The following ZNF737 variants were observed in gnomAD, a reference collection of about 807,000 sequenced individuals.
ZNF737 encodes the protein zinc finger protein 737, also known as zinc finger protein 102 (Y3).
A neutral mutation model predicts 11.7 loss-of-function variants in ZNF737; 13 were observed. The observed-to-expected ratio is 1.11, with a 90% CI of 0.73 to 1.77. ZNF737 has a LOEUF of 1.77. ZNF737 is among the 40% of genes most tolerant of loss of function. The pLI is 0.00. For synonymous variants in ZNF737, 217 were observed against 216.2 expected (o/e 1.00, Z -0.03); for missense variants, 636 against 638.0 (o/e 1.00, Z 0.03).
chr19:20,546,009 T>C, intron 3 of ZNF737, 33 bp from the exon 4 acceptor site: 3 of 1,525,072 alleles, frequency 2.0e-6, no homozygotes, highest in Non-Finnish European at 2.6e-6. Context: ...ATTACTTCAA[T>C]TGGTAGACTC....
chr19:20,547,380 C>CAAAAAAAAAAAAAA (rs1209880969), intron 3 of ZNF737, among the ~76,000 whole-genome samples: 2 of 65,056 alleles, frequency 3.1e-5, no homozygotes, highest in African/African-American at 9.7e-5. Context: ...GACTCCGTCT[C>CAAAAAAAAAAAAAA]AAAAAAAAAA....
chr19:20,530,740 C>T, the ZNF737 span, among the ~76,000 whole-genome samples: 2 of 146,852 alleles, frequency 1.4e-5, no homozygotes, highest in Non-Finnish European at 3.0e-5. Flanking sequence ...CCTCACTTTC[C>T]AGACTGGGCA....
chr19:20,537,028 G>A (rs1048651467), downstream of ZNF737, among the ~76,000 whole-genome samples: 6 of 151,962 alleles, frequency 3.9e-5, no homozygotes, highest in Non-Finnish European at 8.8e-5. Flanking sequence ...GCTTAAACCC[G>A]AAAGCCAGAG....
At chr19:20,551,524 C>T (rs1284795359) in intron 3 of ZNF737, among the ~76,000 whole-genome samples, 1 of 150,150 alleles carries the variant, frequency 6.7e-6, no homozygotes, top group East Asian at 2.0e-4. Flanking sequence ...ATACATCTTA[C>T]ATTTTAAAAA....
intron 3 of ZNF737, among the ~76,000 whole-genome samples, chr19:20,548,985 T>TAAAAAAAAAAC (rs1555757702): frequency 2.7e-5 from 2 of 72,770 alleles, no homozygotes; most frequent in African/African-American, 1.3e-4. Context: ...AAAAAACAAT[T>TAAAAAAAAAAC]ATGTATCTTT....
At chr19:20,533,860 G>T (rs1357346988), downstream of ZNF737, among the ~76,000 whole-genome samples, 1 of 150,074 alleles carries the variant, frequency 6.7e-6, no homozygotes, top group Non-Finnish European at 1.5e-5. Flanking sequence ...CTGATCAGTT[G>T]GTTGATTGGA....
chr19:20,532,622 A>G (rs1967857818), downstream of ZNF737, among the ~76,000 whole-genome samples: 1 of 149,858 alleles, frequency 6.7e-6, no homozygotes, highest in Non-Finnish European at 1.5e-5. Flanking sequence ...TTTTTCATAA[A>G]TGTAAAAATA....
chr19:20,539,414 A>G lies in ZNF737; in HGVS notation c.*5178T>C. ...AAAAGGTCAAAAACAATCATTGAGCAAAGCTTAAATCTTGCCTTTGTTTCT... is the reference window on the plus strand; with the variant it reads ...AAAAGGTCAAAAACAATCATTGAGCGAAGCTTAAATCTTGCCTTTGTTTCT... On this transcript the variant is annotated 3_prime_UTR_variant, in exon 4 of 4. Transcript: ENST00000427401. The G allele has an allele frequency of 1.0e-6, 1 of 985,486 alleles. No homozygotes were observed. The highest frequency in any genetic ancestry group is 1.2e-6 in the Non-Finnish European group (1 of 829,942). 61.0% of individuals were successfully genotyped at this position (985,486 alleles called of 1,614,324 possible).
chr19:20,542,610 A>ACTT lies in ZNF737; in HGVS notation c.*1979_*1981dup, dbSNP rs1242645176. Reference sequence around the variant, plus strand: ...GTAATATACTCATTTATTTTAATATACTTTTAATTATTTCTTTGTGTCACT... The same window carrying ACTT: ...GTAATATACTCATTTATTTTAATATACTTCTTTTAATTATTTCTTTGTGTCACT... On this transcript the variant is annotated 3_prime_UTR_variant, in exon 4 of 4. Transcript: ENST00000427401. The ACTT allele has an allele frequency of 1.5e-5, 15 of 971,200 alleles. No individual in the cohort carries two copies. The highest frequency in any genetic ancestry group is 1.8e-5 in the Non-Finnish European group (15 of 817,036). The allele number at this position is 971,200 out of a possible 1,614,324, so 60.2% of individuals were successfully genotyped here. A position where few individuals can be genotyped will look rare whatever the true frequency, so the allele number is the denominator to read the frequency against.
chr19:20,561,446 G>A (rs1473863454), intron 1 of ZNF737, among the ~76,000 whole-genome samples: 2 of 152,072 alleles, frequency 1.3e-5, no homozygotes, highest in Non-Finnish European at 2.9e-5. Context: ...TGTGGGAAAA[G>A]GGGGTCTGTC....
downstream of ZNF737, among the ~76,000 whole-genome samples, chr19:20,533,958 T>A (rs1452363581): frequency 4.0e-5 from 6 of 150,162 alleles, 1 homozygote; most frequent in African/African-American, 1.5e-4. Flanking sequence ...ACTAATGGGC[T>A]CATCAGTTGA....
Position 20,540,883 on chromosome 19 carries a change from T to C in ZNF737, c.*3709A>G, listed in dbSNP as rs1342018890. On this transcript the variant is annotated 3_prime_UTR_variant, in exon 4 of 4. Transcript: ENST00000427401. ...AAATAACTATTTTTCTGGCTTAAATTATTTTTTATGCACCATTTATACATT... is the reference window on the plus strand; with the variant it reads ...AAATAACTATTTTTCTGGCTTAAATCATTTTTTATGCACCATTTATACATT... 1 of 959,874 alleles carries C rather than the reference T, an allele frequency of 1.0e-6. No individual in the cohort carries two copies. The allele number at this position is 959,874 out of a possible 1,614,324, so 59.5% of individuals were successfully genotyped here.
At chr19:20,536,716 T>G (rs965709946), downstream of ZNF737, among the ~76,000 whole-genome samples, 10 of 151,654 alleles carry the variant, frequency 6.6e-5, no homozygotes, top group African/African-American at 2.4e-4. Flanking sequence ...CTGAGGCTGG[T>G]GGATTGCTTG....
At chr19:20,533,810 C>T (rs1423138208), downstream of ZNF737, among the ~76,000 whole-genome samples, 3 of 150,000 alleles carry the variant, frequency 2.0e-5, 1 homozygote, top group Admixed American at 1.3e-4. Flanking sequence ...TGATCGGGAT[C>T]ACCTGGGCTG....
Position 20,552,512 on chromosome 19 carries a change from C to CAA in ZNF737, c.187_188dup (p.Leu63PhefsTer2), listed in dbSNP as rs1289407720. 1.9e-6 allele frequency: 3 copies of CAA among 1,595,128 alleles called. No individual in the cohort carries two copies. The African/African-American group carries it at 4.1e-5, about 22-fold the overall frequency. ...CTACCATCTCATGTTTCTTCATGGT[C>CAA]AAAGGTTTTTTTCCTTGCTCCAGAC... On this transcript the variant is annotated frameshift_variant, in exon 3 of 4. Coordinates refer to ENST00000427401, the MANE Select transcript of ZNF737 (RefSeq NM_001159293.2). LOFTEE classifies it low-confidence loss of function (END_TRUNC).
chr19:20,551,144 G>A (rs1968648775), intron 3 of ZNF737: 1 of 152,198 alleles, frequency 6.6e-6, no homozygotes, highest in South Asian at 2.1e-4. Flanking sequence ...CACACAATTG[G>A]GCCGGGCGGG....
At chr19:20,549,742 CG>C (rs34765575) in intron 3 of ZNF737, among the ~76,000 whole-genome samples, 61,435 of 151,372 alleles carry the variant, frequency 0.41, 12,640 homozygotes, top group Admixed American at 0.48. Flanking sequence ...CCAGCCTGGC[CG>C]AAGTGGTGAA....
chr19:20,542,184 T>C lies in ZNF737; in HGVS notation c.*2408A>G. The C allele has an allele frequency of 2.0e-6, 2 of 984,802 alleles. No homozygotes were observed. Among genetic ancestry groups the C allele is most frequent in the Non-Finnish European group, 2.4e-6 (2 of 829,422 alleles). 61.0% of individuals were successfully genotyped at this position (984,802 alleles called of 1,614,324 possible). The stretch of plus-strand genomic sequence containing the variant: ...TGGTTCATTAAACGCACGGTAGTCT[T>C]ACCATGGTAAAAATAAAATAAAATT... On this transcript the variant is annotated 3_prime_UTR_variant, in exon 4 of 4. Transcript: ENST00000427401.
At chr19:20,562,421 A>G (rs1176066443) in intron 1 of ZNF737, among the ~76,000 whole-genome samples, 1 of 147,482 alleles carries the variant, frequency 6.8e-6, no homozygotes, top group African/African-American at 2.5e-5. Flanking sequence ...GGCTCACCAC[A>G]AACTTTCAAG....
Sources: allele counts gnomAD v4.1 joint callset (sites outside exome capture counted in the v4.1 genomes callset), GRCh38; gene constraint gnomAD v4.1.1; transcripts MANE v1.5; gene names NCBI Gene and HGNC (gene_info 2026-07-23, HGNC 2026-07-21).